Variants in RTN4RL1 observed in about 807,000 individuals in gnomAD.
RTN4RL1 encodes reticulon 4 receptor like 1.
RTN4RL1 carries 7 observed loss-of-function variants against 25.6 expected under a neutral mutation model. That is an observed-to-expected ratio of 0.27 (90% CI 0.16 to 0.51). The LOEUF is 0.51. Ranked by LOEUF, RTN4RL1 falls within the 20% of genes least tolerant of loss-of-function variation. RTN4RL1 has a pLI of 0.97. For missense variants in RTN4RL1, 500 were observed against 615.6 expected (o/e 0.81, Z 1.99); for synonymous variants, 297 against 288.2 (o/e 1.03, Z -0.31).
chr17:2,013,561 CTCCCTCACCCTGGAACATAAATACCCCA>C (rs2067078249), intron 1 of RTN4RL1, among the ~76,000 whole-genome samples: 36 of 151,604 alleles, frequency 2.4e-4, no homozygotes, highest in African/African-American at 8.0e-4. Context: ...AATACCCCTG[CTCCCTCACCCTGGAACATAAATACCCCA>C]GCTCCCTCAC....
At position 1,935,637 on chromosome 17, in the gene RTN4RL1, G is replaced by A. The variant is rs1327981939; in HGVS notation, c.*859C>T. 5 of 978,274 alleles carry A rather than the reference G, an allele frequency of 5.1e-6. No individual in the cohort carries two copies. The highest frequency in any genetic ancestry group is 1.8e-5 in the African/African-American group (1 of 55,302). The allele number at this position is 978,274 out of a possible 1,614,324, so 60.6% of individuals were successfully genotyped here. A position where few individuals can be genotyped will look rare whatever the true frequency, so the allele number is the denominator to read the frequency against. ...TACAATCCTTAGTTCAGCAAATACA[G>A]TTTTCTGTATAGTTTATAAACATGA... On this transcript the variant is annotated 3_prime_UTR_variant, in exon 2 of 2. Transcript: ENST00000331238.
At chr17:1,942,722 A>G (rs998387658) in intron 1 of RTN4RL1, among the ~76,000 whole-genome samples, 6 of 152,066 alleles carry the variant, frequency 3.9e-5, no homozygotes, top group Non-Finnish European at 8.8e-5. Context: ...GCATGGGGGC[A>G]GCTCAGGCGG....
intron 1 of RTN4RL1, among the ~76,000 whole-genome samples, chr17:1,975,384 C>T (rs952893019): frequency 2.0e-5 from 3 of 152,156 alleles, no homozygotes; most frequent in African/African-American, 7.2e-5. Flanking sequence ...GACGTGGTGG[C>T]TCATGCCTGT....
intron 1 of RTN4RL1, among the ~76,000 whole-genome samples, chr17:1,969,695 T>C (rs1567512957): frequency 6.6e-6 from 1 of 152,236 alleles, no homozygotes; most frequent in Non-Finnish European, 1.5e-5. Flanking sequence ...ATAAAAGCTC[T>C]GAATAAGTAG....
chr17:1,981,707 C>T (rs2066868121), intron 1 of RTN4RL1, among the ~76,000 whole-genome samples: 1 of 152,200 alleles, frequency 6.6e-6, no homozygotes, highest in Admixed American at 6.6e-5. Context: ...CTGTGTGCCT[C>T]AGCCTGGACT....
At position 1,936,917 on chromosome 17, in the gene RTN4RL1, C is replaced by T. The variant is rs199947070; in HGVS notation, c.905G>A (p.Arg302Gln). 131 of 1,610,370 alleles carry T rather than the reference C, an allele frequency of 8.1e-5. No individual in the cohort carries two copies. The African/African-American group carries it at 1.4e-3, about 17-fold the overall frequency. Residue 302 changes from arginine (R) to glutamine (Q), a missense_variant, in exon 2 of 2, where the codon CGG becomes CAG. Physicochemically the swap from Arg to Gln is conservative, Grantham distance 43. Around this residue, in one of 2 missense-constraint regions of RTN4RL1, gnomAD observed 268 missense variants for 274.5 expected, o/e 0.98. Transcript: ENST00000331238. ...CGGGGACGCTGGTCCCGTGCAGTTC[C>T]GGAAGTCCTCGGCCCTCAGCAGCTT... ...DLKLLRAEDF[R>Q]NCTGPASPHQ...
At chr17:1,959,843 G>A (rs915602176) in intron 1 of RTN4RL1, among the ~76,000 whole-genome samples, 7 of 152,096 alleles carry the variant, frequency 4.6e-5, no homozygotes, top group Non-Finnish European at 1.0e-4. Context: ...GATTACAGGC[G>A]TGAGCCACCG....
chr17:1,958,778 T>C (rs1047331983), intron 1 of RTN4RL1, among the ~76,000 whole-genome samples: 1 of 152,262 alleles, frequency 6.6e-6, no homozygotes, highest in African/African-American at 2.4e-5. Flanking sequence ...AGGCCTGGGT[T>C]CACACGTCCT....
intron 1 of RTN4RL1, among the ~76,000 whole-genome samples, chr17:1,976,821 G>T (rs1479099008): frequency 6.6e-6 from 1 of 152,166 alleles, no homozygotes; most frequent in Non-Finnish European, 1.5e-5. Flanking sequence ...ACTCGGCTGG[G>T]ACTCAACTTG....
At chr17:2,011,148 G>A (rs2067044612) in intron 1 of RTN4RL1, among the ~76,000 whole-genome samples, 1 of 152,190 alleles carries the variant, frequency 6.6e-6, no homozygotes, top group African/African-American at 2.4e-5. Flanking sequence ...CTACTCGGGA[G>A]GCTGAGGCAG....
chr17:1,966,208 C>T (rs1416138585), intron 1 of RTN4RL1, among the ~76,000 whole-genome samples: 1 of 152,186 alleles, frequency 6.6e-6, no homozygotes, highest in Admixed American at 6.5e-5. Flanking sequence ...TGTGTCCAAG[C>T]CGCGTACGAT....
intron 1 of RTN4RL1, 25 bp from the exon 2 acceptor site, chr17:1,937,833 AG>A: frequency 6.5e-7 from 1 of 1,540,704 alleles, no homozygotes; most frequent in Non-Finnish European, 8.8e-7. Context: ...GAGCACAGCC[AG>A]GTCAGGGGCC....
At chr17:1,954,383 CTTT>C (rs55654151) in intron 1 of RTN4RL1, among the ~76,000 whole-genome samples, 9 of 124,308 alleles carry the variant, frequency 7.2e-5, no homozygotes, top group Non-Finnish European at 9.6e-5. Flanking sequence ...TGCTTCCTTC[CTTT>C]TTTTTTTTTT....
At chr17:1,958,053 C>T (rs1915825684) in intron 1 of RTN4RL1, among the ~76,000 whole-genome samples, 1 of 151,550 alleles carries the variant, frequency 6.6e-6, no homozygotes, top group Non-Finnish European at 1.5e-5. Context: ...ATTAGCCCGG[C>T]ATGTCAGGGC....
chr17:1,941,532 A>ATAGG (rs1227006921), intron 1 of RTN4RL1, among the ~76,000 whole-genome samples: 1 of 152,136 alleles, frequency 6.6e-6, no homozygotes, highest in Non-Finnish European at 1.5e-5. Context: ...GCAACAAGCC[A>ATAGG]CAGGCACCAG....
At chr17:2,002,455 G>GC (rs1163014684) in intron 1 of RTN4RL1, among the ~76,000 whole-genome samples, 2 of 150,400 alleles carry the variant, frequency 1.3e-5, no homozygotes, top group African/African-American at 4.9e-5. Context: ...ACCTCGCCTG[G>GC]CTAATTTTTT....
At chr17:1,942,375 G>A (rs1339500148) in intron 1 of RTN4RL1, among the ~76,000 whole-genome samples, 2 of 151,758 alleles carry the variant, frequency 1.3e-5, no homozygotes, top group Admixed American at 6.6e-5. Context: ...GGGGGGATAC[G>A]GAGGATCCTC....
intron 1 of RTN4RL1, among the ~76,000 whole-genome samples, chr17:2,006,890 G>A (rs984148196): frequency 4.0e-5 from 6 of 151,864 alleles, no homozygotes; most frequent in African/African-American, 1.5e-4. Flanking sequence ...CCCAAAGTCC[G>A]GGGATTACAG....
rs371528433 is a variant in RTN4RL1 at position 2,008,010 on chromosome 17, T to C, written c.13+16843A>G. On this transcript the variant is annotated intron_variant, in intron 1 of 1. Transcript: ENST00000331238. ...GGCTTAGGCCAGGCATGGTGGCTCA[T>C]GCCTGTAATCCCAGCACTTTGGGAG... Among the ~76,000 whole-genome samples, 123 of 147,004 alleles carry C rather than the reference T, an allele frequency of 8.4e-4. 1 individual carries two copies. Among genetic ancestry groups the C allele is most frequent in the African/African-American group, 2.8e-3 (112 of 39,592 alleles).
Sources: gnomAD v4.1 joint callset for allele counts (sites outside exome capture counted in the v4.1 genomes callset) on GRCh38, gnomAD v4.1.1 for gene constraint, gnomAD v4.1.1 regional missense constraint, MANE v1.5 for transcripts, NCBI Gene and HGNC (gene_info 2026-07-23, HGNC 2026-07-21) for gene names.